NCALD: variants seen among roughly 807,000 people sequenced by gnomAD.
NCALD encodes neurocalcin delta.
Under a neutral mutation model 18.6 loss-of-function variants are expected in NCALD, and 10 were observed. The observed-to-expected ratio is 0.54, with a 90% confidence interval of 0.33 to 0.91. The LOEUF is 0.91. Ranked by LOEUF, NCALD falls within the 40% of genes least tolerant of loss-of-function variation. The probability of loss-of-function intolerance (pLI) is 0.03; values close to 1 mark genes in which losing one functional copy is unlikely to be tolerated. For synonymous variants in NCALD, 88 were observed against 87.4 expected, an observed-to-expected ratio of 1.01 and a Z score of -0.04; for missense variants, 184 against 247.6, an observed-to-expected ratio of 0.74 and a Z score of 1.72.
chr8:101,692,906 G>T lies in NCALD; in HGVS notation c.379-10C>A. ...CCATCTTATAGATTGCCTGGGGACA[G>T]AAGCGACATGGTGGTAAGACAGAAA... On this transcript the variant is annotated splice_polypyrimidine_tract_variant and intron_variant, in intron 2 of 3. Transcript: ENST00000220931. 1 of 1,590,388 alleles carries T rather than the reference G, an allele frequency of 6.3e-7. No homozygotes were observed. Among genetic ancestry groups the T allele is most frequent in the South Asian group, 1.1e-5 (1 of 90,584 alleles).
At chr8:102,027,301 T>C (rs1310991133) in intron 1 of NCALD, among the ~76,000 whole-genome samples, 1 of 152,262 alleles carries the variant, frequency 6.6e-6, no homozygotes, top group Non-Finnish European at 1.5e-5. Context: ...CTGTTTCCTC[T>C]GGAACACTTT....
intron 2 of NCALD, among the ~76,000 whole-genome samples, chr8:101,958,793 T>C (rs750296466): frequency 1.8e-4 from 27 of 152,180 alleles, no homozygotes; most frequent in Admixed American, 4.6e-4. Flanking sequence ...TAAATACAAC[T>C]GGACAGTATA....
At chr8:102,062,712 T>C (rs994360911) in intron 1 of NCALD, among the ~76,000 whole-genome samples, 1 of 152,220 alleles carries the variant, frequency 6.6e-6, no homozygotes. Flanking sequence ...TCTACATGTC[T>C]GTCATCCTCT....
At chr8:101,726,222 C>G (rs1296926956) in intron 1 of NCALD, among the ~76,000 whole-genome samples, 1 of 152,178 alleles carries the variant, frequency 6.6e-6, no homozygotes, top group Non-Finnish European at 1.5e-5. Context: ...TTCCCTCTGA[C>G]TGAAGCTGAG....
intron 2 of NCALD, among the ~76,000 whole-genome samples, chr8:101,941,628 A>C (rs778855666): frequency 2.6e-5 from 4 of 152,350 alleles, no homozygotes; most frequent in Non-Finnish European, 5.9e-5. Context: ...GCATCTTTCC[A>C]ACTAATATGA....
At chr8:102,091,511 A>C (rs955198881) in intron 1 of NCALD, among the ~76,000 whole-genome samples, 4 of 152,210 alleles carry the variant, frequency 2.6e-5, no homozygotes, top group African/African-American at 9.6e-5. Context: ...AATTCTAGGC[A>C]CATTGTAATC....
intron 4 of NCALD, among the ~76,000 whole-genome samples, chr8:101,882,390 C>G (rs1816522903): frequency 6.6e-6 from 1 of 152,240 alleles, no homozygotes; most frequent in African/African-American, 2.4e-5. Context: ...CTCTTTTCCC[C>G]TTCCACCATA....
At chr8:101,738,531 C>T (rs1289487863) in intron 1 of NCALD, among the ~76,000 whole-genome samples, 6 of 115,832 alleles carry the variant, frequency 5.2e-5, no homozygotes, top group Admixed American at 4.8e-4. Flanking sequence ...GTGACAAGAG[C>T]GAAACTCCAT....
chr8:101,870,897 A>ACCCC, intron 4 of NCALD, among the ~76,000 whole-genome samples: 1 of 24,948 alleles, frequency 4.0e-5, no homozygotes, highest in South Asian at 3.6e-3. Context: ...CACCGCCCCC[A>ACCCC]CCCCCCCCCC....
intron 4 of NCALD, among the ~76,000 whole-genome samples, chr8:101,801,646 T>C (rs910668517): frequency 3.2e-5 from 1 of 30,790 alleles, no homozygotes; most frequent in African/African-American, 3.2e-4. Flanking sequence ...ACACTTACTT[T>C]TTTTTTTTTT....
intron 1 of NCALD, among the ~76,000 whole-genome samples, chr8:101,769,566 A>G (rs1811496841): frequency 6.6e-6 from 1 of 152,044 alleles, no homozygotes; most frequent in South Asian, 2.1e-4. Flanking sequence ...TTACAAAACT[A>G]AAACCAGCAG....
At chr8:101,935,856 G>A (rs1297446673) in intron 2 of NCALD, among the ~76,000 whole-genome samples, 1 of 147,736 alleles carries the variant, frequency 6.8e-6, no homozygotes, top group Non-Finnish European at 1.5e-5. Context: ...ATGCAGGGAA[G>A]ACAGGAAAAT....
intron 2 of NCALD, among the ~76,000 whole-genome samples, chr8:101,949,892 T>C (rs1819323156): frequency 6.6e-6 from 1 of 152,194 alleles, no homozygotes; most frequent in Non-Finnish European, 1.5e-5. Flanking sequence ...GCAGCTGACA[T>C]TGTGTTCCAA....
chr8:101,707,546 C>T (rs1815586507), intron 2 of NCALD, among the ~76,000 whole-genome samples: 1 of 152,152 alleles, frequency 6.6e-6, no homozygotes. Context: ...ACCAAACTTT[C>T]CTGTTGTGGG....
intron 1 of NCALD, among the ~76,000 whole-genome samples, chr8:101,724,988 G>T (rs149503424): frequency 6.6e-6 from 1 of 152,202 alleles, no homozygotes; most frequent in South Asian, 2.1e-4. Context: ...TCTACTGGGG[G>T]TGAGGCACTC....
chr8:101,732,392 C>T (rs57775727), intron 1 of NCALD, among the ~76,000 whole-genome samples: 2,899 of 152,006 alleles, frequency 0.019, 87 homozygotes, highest in African/African-American at 0.065. Flanking sequence ...CAAATTCATT[C>T]GGTAAATTGA....
At chr8:101,719,692 T>C (rs976806988) in intron 1 of NCALD, 44 bp from the exon 2 acceptor site, 10 of 1,472,478 alleles carry the variant, frequency 6.8e-6, no homozygotes, top group Non-Finnish European at 9.1e-6. Flanking sequence ...AGAGCTGCTC[T>C]TTAGGGCTGC....
intron 4 of NCALD, among the ~76,000 whole-genome samples, chr8:101,837,590 C>T (rs945198276): frequency 6.6e-6 from 1 of 152,210 alleles, no homozygotes; most frequent in African/African-American, 2.4e-5. Flanking sequence ...GTGACTACCA[C>T]CTACTACCAC....
intron 1 of NCALD, among the ~76,000 whole-genome samples, chr8:102,113,485 A>AT (rs1210493943): frequency 6.6e-6 from 1 of 152,216 alleles, no homozygotes; most frequent in East Asian, 1.9e-4. Flanking sequence ...TGTTAAACAT[A>AT]TTTTTGCCTA....
Sources: allele counts gnomAD v4.1 joint callset (sites outside exome capture counted in the v4.1 genomes callset), GRCh38; gene constraint gnomAD v4.1.1; transcripts MANE v1.5; gene names NCBI Gene and HGNC (gene_info 2026-07-23, HGNC 2026-07-21).